The following FAS variants were observed in gnomAD, a reference collection of about 807,000 sequenced individuals.
The protein encoded by FAS is tumor necrosis factor receptor superfamily member 6.
Under a neutral mutation model 33.2 loss-of-function variants are expected in FAS, and 5 were observed. That is an observed-to-expected ratio of 0.15 (90% CI 0.08 to 0.32). The LOEUF is 0.32. Ranked by LOEUF, FAS falls within the 10% of genes least tolerant of loss-of-function variation. FAS has a pLI of 1.00. For missense variants in FAS, 339 were observed against 386.0 expected, an observed-to-expected ratio of 0.88 and a Z score of 1.02; for synonymous variants, 131 against 130.7, an observed-to-expected ratio of 1.00 and a Z score of -0.01.
chr10:88,966,793 C>G (rs1846326589), intron 1 of FAS, among the ~76,000 whole-genome samples: 1 of 152,208 alleles, frequency 6.6e-6, no homozygotes, highest in South Asian at 2.1e-4. Context: ...GTTTTGAAAA[C>G]TATTAAGTGC....
At chr10:88,965,565 A>G (rs1482213370) in intron 1 of FAS, among the ~76,000 whole-genome samples, 1 of 152,182 alleles carries the variant, frequency 6.6e-6, no homozygotes, top group South Asian at 2.1e-4. Context: ...GGTCAAACAC[A>G]TTAGGTATAC....
At chr10:88,978,242 A>C (rs1324108263) in intron 2 of FAS, among the ~76,000 whole-genome samples, 6 of 119,288 alleles carry the variant, frequency 5.0e-5, no homozygotes, top group Non-Finnish European at 8.5e-5. Flanking sequence ...CACTCTGGGG[A>C]CTGTTGTGGG....
chr10:88,986,051 T>C (rs1846872125), upstream of FAS, among the ~76,000 whole-genome samples: 1 of 152,204 alleles, frequency 6.6e-6, no homozygotes, highest in Non-Finnish European at 1.5e-5. Flanking sequence ...ACAAAATGAC[T>C]TAGGGAACAA....
rs909352087 is a variant in FAS at position 89,010,668 on chromosome 10, A to G, written c.505+68A>G. 1.0e-5 allele frequency: 16 copies of G among 1,606,252 alleles called. No homozygotes were observed. In the African/African-American group the frequency reaches 1.5e-4, roughly 15 times the overall value. Reference sequence around the variant, plus strand: ...CATGGAAAGATGTGAAGAAAAACCAATCACTCTTGATTACTAGAAAGTCCT... The same window carrying G: ...CATGGAAAGATGTGAAGAAAAACCAGTCACTCTTGATTACTAGAAAGTCCT... On this transcript the variant is annotated intron_variant, in intron 5 of 8. Coordinates refer to ENST00000652046, the MANE Select transcript of FAS (RefSeq NM_000043.6).
intron 2 of FAS, among the ~76,000 whole-genome samples, chr10:89,006,573 T>A (rs1848240914): frequency 6.6e-6 from 1 of 152,168 alleles, no homozygotes; most frequent in Admixed American, 6.6e-5. Flanking sequence ...TAGTAATGTT[T>A]TTCTCACACT....
In FAS at chr10:88,996,917, C is replaced by T. The variant is rs532350579; in HGVS notation, c.30+6011C>T. Among the ~76,000 whole-genome samples the T allele has an allele frequency of 3.8e-4, 58 of 152,272 alleles. No individual in the cohort carries two copies. In the South Asian group the frequency reaches 0.012, roughly 31 times the overall value. On this transcript the variant is annotated intron_variant, in intron 1 of 8. Coordinates refer to ENST00000652046, the MANE Select transcript of FAS (RefSeq NM_000043.6). ...GTATGACCCACGTGGCCCCTCTGGG[C>T]TTGTAAGGGCTCTGGGGCTGTATTT... is the stretch of plus-strand genomic sequence containing the variant.
At chr10:88,966,767 C>T (rs928877951) in intron 1 of FAS, among the ~76,000 whole-genome samples, 3 of 151,984 alleles carry the variant, frequency 2.0e-5, no homozygotes, top group African/African-American at 4.8e-5. Flanking sequence ...AGGTCAAAGA[C>T]GTAACCTGCT....
At chr10:88,968,857 G>A (rs931308795) in intron 1 of FAS, among the ~76,000 whole-genome samples, 7 of 152,116 alleles carry the variant, frequency 4.6e-5, no homozygotes. Context: ...CCCTTTTAAA[G>A]CCTTCTTCTT....
intron 1 of FAS, among the ~76,000 whole-genome samples, chr10:88,997,923 A>T (rs1378050166): frequency 2.0e-5 from 3 of 152,166 alleles, no homozygotes; most frequent in Admixed American, 1.3e-4. Flanking sequence ...GCACCTGCTA[A>T]TTCTAGTTCT....
At chr10:89,009,323 G>A (rs1256797084) in intron 4 of FAS, among the ~76,000 whole-genome samples, 1 of 152,218 alleles carries the variant, frequency 6.6e-6, no homozygotes, top group African/African-American at 2.4e-5. Context: ...TGTTCCAGGT[G>A]TTACAAATTA....
rs1491042224 is a variant in FAS at position 89,001,277 on chromosome 10, T to TG, written c.31-1752_31-1751insG. Among the ~76,000 whole-genome samples the TG allele has an allele frequency of 4.0e-3, 566 of 141,078 alleles. 4 individuals carry two copies. The highest frequency in any genetic ancestry group is 0.014 in the African/African-American group (538 of 39,308). The allele number at this position is 141,078 out of a possible 152,430, so 92.6% of individuals were successfully genotyped here. The stretch of plus-strand genomic sequence containing the variant: ...CCACTGAATGCCTTTTTTTTTTTTT[T>TG]TGTGCTTCTTTTTAAAAGTCTTTTC... On this transcript the variant is annotated intron_variant, in intron 1 of 8. Coordinates refer to ENST00000652046, the MANE Select transcript of FAS (RefSeq NM_000043.6).
At chr10:88,973,409 C>G in intron 2 of FAS, 2 of 1,307,146 alleles carry the variant, frequency 1.5e-6, no homozygotes, top group Non-Finnish European at 2.0e-6. Flanking sequence ...CCGATGAAAA[C>G]AACTCTTTCT....
At chr10:89,001,514 T>G (rs1847930039) in intron 1 of FAS, among the ~76,000 whole-genome samples, 1 of 151,686 alleles carries the variant, frequency 6.6e-6, no homozygotes, top group Admixed American at 6.6e-5. Flanking sequence ...TTGCTCTATT[T>G]GTAACCGTCA....
upstream of FAS, among the ~76,000 whole-genome samples, chr10:88,989,735 G>A (rs539673987): frequency 6.6e-6 from 1 of 152,340 alleles, no homozygotes; most frequent in South Asian, 2.1e-4. Flanking sequence ...GGTTATTAAT[G>A]TGTTATTAAT....
In FAS at chr10:89,016,077, C is replaced by T. The variant is rs1277897161; in HGVS notation, c.*1627C>T. The T allele has an allele frequency of 8.8e-6, 2 of 228,450 alleles. No individual in the cohort carries two copies. Among genetic ancestry groups the T allele is most frequent in the Non-Finnish European group, 1.7e-5 (2 of 115,016 alleles). The allele number at this position is 228,450 out of a possible 1,614,324, so 14.2% of individuals were successfully genotyped here. On this transcript the variant is annotated 3_prime_UTR_variant, in exon 9 of 9. Transcript: ENST00000652046. ...GGGGTAGGTTTTATTATTAAGAAAG[C>T]CAAATGAGGATTTTGAAATATTCTT... is the stretch of plus-strand genomic sequence containing the variant.
chr10:88,975,674 C>T (rs1846546578), intron 2 of FAS, among the ~76,000 whole-genome samples: 2 of 151,940 alleles, frequency 1.3e-5, no homozygotes. Flanking sequence ...CAATGCTGCG[C>T]CTCCAGGTCA....
chr10:88,991,069 G>C (rs763678505), intron 1 of FAS, 163 bp downstream of exon 1: 3 of 856,064 alleles, frequency 3.5e-6, no homozygotes, highest in East Asian at 2.6e-5. Flanking sequence ...TGGCTCCCGG[G>C]GGCTGTTAGG....
Position 89,014,818 on chromosome 10 carries a change from G to A in FAS, c.*368G>A, listed in dbSNP as rs1255872151. ...TATCCACAGGCTAACCCCACTCTAT[G>A]AATCAATAGAAGAAGCTATGACCTT... is the stretch of plus-strand genomic sequence containing the variant. On this transcript the variant is annotated 3_prime_UTR_variant, in exon 9 of 9. Transcript: ENST00000652046. 5 of 545,208 alleles carry A rather than the reference G, an allele frequency of 9.2e-6. No homozygotes were observed. Among genetic ancestry groups the A allele is most frequent in the Non-Finnish European group, 1.8e-5 (5 of 284,442 alleles). The allele number at this position is 545,208 out of a possible 1,614,324, so 33.8% of individuals were successfully genotyped here.
chr10:89,007,198 A>G (rs946629561), intron 2 of FAS, among the ~76,000 whole-genome samples: 3 of 152,232 alleles, frequency 2.0e-5, no homozygotes, highest in African/African-American at 7.2e-5. Flanking sequence ...TCAAGATTTG[A>G]CCAAGGCTTT....
Sources: gnomAD v4.1 joint callset for allele counts (sites outside exome capture counted in the v4.1 genomes callset) on GRCh38, gnomAD v4.1.1 for gene constraint, MANE v1.5 for transcripts, NCBI Gene and HGNC (gene_info 2026-07-23, HGNC 2026-07-21) for gene names.